DYSF: variants seen among roughly 807,000 people sequenced by gnomAD.
DYSF encodes the protein dysferlin, also known as dystrophy-associated fer-1-like 1.
DYSF carries 212 observed loss-of-function variants against 274.9 expected under a neutral mutation model. That is an observed-to-expected ratio of 0.77 (90% CI 0.69 to 0.86). The LOEUF (loss-of-function observed/expected upper bound fraction) is 0.86, where lower values mean the gene tolerates loss of function less well. DYSF is among the 40% of genes least tolerant of loss of function. DYSF has a pLI of 0.00. For synonymous variants in DYSF, 1,091 were observed against 1,078.7 expected, an observed-to-expected ratio of 1.01 and a Z score of -0.22; for missense variants, 2,666 against 2,783.2, an observed-to-expected ratio of 0.96 and a Z score of 0.95.
chr2:71,670,230 T>A (rs1340214349), intron 51 of DYSF, among the ~76,000 whole-genome samples: 2 of 152,174 alleles, frequency 1.3e-5, no homozygotes, highest in African/African-American at 4.8e-5. Flanking sequence ...ATCCATCATT[T>A]GCAGCTAAAT....
chr2:71,675,198 G>A (rs1573145896), intron 52 of DYSF, among the ~76,000 whole-genome samples: 1 of 152,308 alleles, frequency 6.6e-6, no homozygotes, highest in Middle Eastern at 3.4e-3. Flanking sequence ...TCTTTTTGCG[G>A]TGATGGAAAG....
intron 41 of DYSF, among the ~76,000 whole-genome samples, chr2:71,625,213 T>A (rs565508766): frequency 2.0e-5 from 3 of 152,234 alleles, no homozygotes; most frequent in Admixed American, 1.3e-4. Flanking sequence ...CTAGATATCT[T>A]GGGTTATCAC....
chr2:71,454,108 C>T (rs777596291), intron 1 of DYSF: 3 of 1,608,654 alleles, frequency 1.9e-6, no homozygotes, highest in Admixed American at 3.4e-5. Context: ...CGACCACCCT[C>T]GCCCGGGGTC....
chr2:71,632,719 C>G (rs1211677950), intron 41 of DYSF, among the ~76,000 whole-genome samples: 1 of 152,186 alleles, frequency 6.6e-6, no homozygotes. Flanking sequence ...TTCCATTCCT[C>G]TAGGCTTTCT....
chr2:71,473,050 T>A (rs2082150503), intron 1 of DYSF, among the ~76,000 whole-genome samples: 1 of 152,218 alleles, frequency 6.6e-6, no homozygotes. Flanking sequence ...TTTGGCCACT[T>A]CTGTGGTTCC....
chr2:71,605,380 G>A (rs1273887251), intron 36 of DYSF, among the ~76,000 whole-genome samples: 10 of 152,164 alleles, frequency 6.6e-5, no homozygotes, highest in Non-Finnish European at 1.3e-4. Context: ...GAGCATGTGC[G>A]AGTGTGTACA....
At chr2:71,657,704 G>T (rs748910596) in intron 43 of DYSF, among the ~76,000 whole-genome samples, 4 of 152,208 alleles carry the variant, frequency 2.6e-5, no homozygotes, top group Non-Finnish European at 5.9e-5. Context: ...TCCACCCTGT[G>T]AAGCCACAGC....
At chr2:71,454,010 C>T in exon 1 of DYSF, 2 of 1,614,178 alleles carry the variant, frequency 1.2e-6, no homozygotes, top group Non-Finnish European at 1.7e-6. Context: ...TGCTGAGGGT[C>T]TTCATCCTCT....
rs766224359 is a variant in DYSF, at chr2:71,611,453, C to T, written c.4060-12C>T. ...GGCCTTCTGAGCCACTCTCCTCATT[C>T]TGTGTGCTTAGATCCTGGCATGGGG... On this transcript the variant is annotated splice_polypyrimidine_tract_variant and intron_variant, in intron 37 of 55. Coordinates refer to ENST00000410020, the MANE Select transcript of DYSF (RefSeq NM_001130987.2). 2 of 1,614,162 alleles carry T rather than the reference C, an allele frequency of 1.2e-6. No homozygotes were observed. Among genetic ancestry groups the T allele is most frequent in the South Asian group, 2.2e-5 (2 of 91,080 alleles).
At chr2:71,566,561 C>T (rs1470674667) in intron 24 of DYSF, among the ~76,000 whole-genome samples, 2 of 151,662 alleles carry the variant, frequency 1.3e-5, no homozygotes, top group Non-Finnish European at 2.9e-5. Context: ...CCAAACTAGA[C>T]ATTTCTTTAT....
intron 40 of DYSF, among the ~76,000 whole-genome samples, chr2:71,617,929 A>AGGT (rs1195406905): frequency 9.7e-5 from 4 of 41,040 alleles, no homozygotes; most frequent in Non-Finnish European, 1.5e-4. Flanking sequence ...TGTGTGGTAG[A>AGGT]GGTGTGTGTG....
Position 71,481,894 on chromosome 2 carries a change from C to A in DYSF, c.163C>A (p.Leu55Ile). The A allele has an allele frequency of 6.2e-7, 1 of 1,614,070 alleles. No homozygotes were observed. Among genetic ancestry groups the A allele is most frequent in the Non-Finnish European group, 8.5e-7 (1 of 1,179,958 alleles). Reference protein sequence around the residue: ...PVWNEGFEWDLKGIPLDQGSE... With the variant: ...PVWNEGFEWDIKGIPLDQGSE... Reference sequence around the variant, plus strand: ...TTTCTTCCAGGGATTTGAATGGGACCTCAAGGGCATCCCCCTGGACCAGGG... The same window carrying A: ...TTTCTTCCAGGGATTTGAATGGGACATCAAGGGCATCCCCCTGGACCAGGG... The change falls in exon 3 of 56, where the codon CTC becomes ATC. Residue 55 changes from leucine to isoleucine, a missense_variant. This residue lies in a region of DYSF where 794 missense variants were observed against 777.1 expected (regional missense o/e 1.02). Coordinates refer to ENST00000410020, the MANE Select transcript of DYSF (RefSeq NM_001130987.2).
At chr2:71,590,502 CCT>C (rs1558556416) in intron 32 of DYSF, among the ~76,000 whole-genome samples, 1 of 152,178 alleles carries the variant, frequency 6.6e-6, no homozygotes, top group Non-Finnish European at 1.5e-5. Flanking sequence ...CTGACTGTCC[CCT>C]CTTTCCTGAA....
intron 4 of DYSF, 118 bp downstream of exon 4, chr2:71,503,437 G>A: frequency 9.5e-7 from 1 of 1,054,002 alleles, no homozygotes; most frequent in South Asian, 1.3e-5. Context: ...CTTGAAGCAG[G>A]CCTGGCCCTC....
chr2:71,617,512 CTG>C (rs1272488314), intron 40 of DYSF, among the ~76,000 whole-genome samples: 2 of 151,724 alleles, frequency 1.3e-5, no homozygotes, highest in Non-Finnish European at 2.9e-5. Flanking sequence ...AAGTGGGACT[CTG>C]TGTGTATGTT....
chr2:71,545,521 G>C (rs1204008317), intron 17 of DYSF, among the ~76,000 whole-genome samples: 1 of 152,148 alleles, frequency 6.6e-6, no homozygotes, highest in East Asian at 1.9e-4. Context: ...TCTAAGGAGG[G>C]CTGTCTCCTG....
chr2:71,618,062 G>A (rs1483284609), intron 40 of DYSF, among the ~76,000 whole-genome samples: 1 of 100,730 alleles, frequency 9.9e-6, no homozygotes, highest in Non-Finnish European at 2.1e-5. Flanking sequence ...GTGTGTGGTA[G>A]AGATGGGGTG....
intron 1 of DYSF, among the ~76,000 whole-genome samples, chr2:71,478,686 C>A (rs2082619577): frequency 2.0e-5 from 3 of 152,116 alleles, no homozygotes; most frequent in Admixed American, 2.0e-4. Context: ...TCCCCCCTCT[C>A]CCTGGAGGGA....
intron 10 of DYSF, among the ~76,000 whole-genome samples, chr2:71,517,419 A>G (rs1177502603): frequency 1.3e-5 from 2 of 152,186 alleles, no homozygotes; most frequent in African/African-American, 4.8e-5. Flanking sequence ...AGGTCAGGGG[A>G]CTTTACATTT....
Sources: gnomAD v4.1 joint callset for allele counts (sites outside exome capture counted in the v4.1 genomes callset) on GRCh38, gnomAD v4.1.1 for gene constraint, gnomAD v4.1.1 regional missense constraint, MANE v1.5 for transcripts, NCBI Gene and HGNC (gene_info 2026-07-23, HGNC 2026-07-21) for gene names.